FKBP5: variants seen among roughly 807,000 people sequenced by gnomAD.
The protein encoded by FKBP5 is FKBP prolyl isomerase 5, also known as peptidyl-prolyl cis-trans isomerase FKBP5.
Under a neutral mutation model 50.5 loss-of-function variants are expected in FKBP5, and 23 were observed. The ratio of observed to expected loss-of-function variants is 0.46; its 90% CI spans 0.33 to 0.65. The LOEUF is 0.65. FKBP5 is among the 30% of genes least tolerant of loss of function. The pLI, the probability that FKBP5 is intolerant of heterozygous loss-of-function variation, is 0.02. For synonymous variants in FKBP5, 176 were observed against 190.6 expected (o/e 0.92, Z 0.63); for missense variants, 411 against 553.1 (o/e 0.74, Z 2.58).
At chr6:35,580,350 AT>A in intron 8 of FKBP5, 129 bp from the exon 9 acceptor site, 1 of 755,282 alleles carries the variant, frequency 1.3e-6, no homozygotes, top group Non-Finnish European at 2.2e-6. Context: ...CCTTCTGGAG[AT>A]GGCTCTCCAG....
intron 1 of FKBP5, among the ~76,000 whole-genome samples, chr6:35,664,352 C>G (rs1765157695): frequency 6.6e-6 from 1 of 151,948 alleles, no homozygotes; most frequent in Admixed American, 6.6e-5. Flanking sequence ...AAAAGGAACA[C>G]AGCATATGAC....
intron 1 of FKBP5, among the ~76,000 whole-genome samples, chr6:35,657,557 G>A (rs1764990118): frequency 6.6e-6 from 1 of 152,132 alleles, no homozygotes; most frequent in Non-Finnish European, 1.5e-5. Context: ...TGATTAAGTT[G>A]AGCCCACCTG....
chr6:35,641,981 AGACTCTG>A (rs549458379), intron 2 of FKBP5, among the ~76,000 whole-genome samples: 29 of 150,398 alleles, frequency 1.9e-4, no homozygotes, highest in Non-Finnish European at 1.3e-4. Context: ...CAACAGAGGG[AGACTCTG>A]TCTCAAAATA....
chr6:35,614,271 T>C (rs1185681813), intron 5 of FKBP5, among the ~76,000 whole-genome samples: 2 of 152,040 alleles, frequency 1.3e-5, no homozygotes, highest in African/African-American at 2.4e-5. Context: ...CAGGATCTAA[T>C]GATATAACTA....
At chr6:35,610,642 T>C (rs1763464717) in intron 5 of FKBP5, among the ~76,000 whole-genome samples, 1 of 149,036 alleles carries the variant, frequency 6.7e-6, no homozygotes, top group African/African-American at 2.5e-5. Flanking sequence ...ACACTTGGAG[T>C]CTTTTGAGGC....
intron 5 of FKBP5, among the ~76,000 whole-genome samples, chr6:35,615,991 A>C (rs1173053812): frequency 6.6e-6 from 1 of 152,220 alleles, no homozygotes; most frequent in Non-Finnish European, 1.5e-5. Flanking sequence ...ATTGAGGGAT[A>C]TTCTACAAAA....
chr6:35,657,696 G>A lies in FKBP5; in HGVS notation c.-19-14853C>T, dbSNP rs79239660. On this transcript the variant is annotated intron_variant, in intron 1 of 10. Transcript: ENST00000357266. ...AGGATCCATTATTCTCTCTACCACCGATACCTAATCATCCAATCAAGATCC... is the reference window on the plus strand; with the variant it reads ...AGGATCCATTATTCTCTCTACCACCAATACCTAATCATCCAATCAAGATCC... Among the ~76,000 whole-genome samples, 1,237 of 151,716 alleles carry A rather than the reference G, an allele frequency of 8.2e-3. 20 individuals are homozygous for A. Among genetic ancestry groups the A allele is most frequent in the African/African-American group, 0.026 (1,075 of 41,366 alleles).
At chr6:35,615,023 C>T (rs1334347469) in intron 5 of FKBP5, among the ~76,000 whole-genome samples, 1 of 151,826 alleles carries the variant, frequency 6.6e-6, no homozygotes, top group Non-Finnish European at 1.5e-5. Flanking sequence ...ACTCCGGAGA[C>T]TGAGACAGGA....
In FKBP5 at chr6:35,606,452, T is replaced by C. The variant is rs184229370; in HGVS notation, c.509-9048A>G. 4.3e-3 allele frequency among the ~76,000 whole-genome samples: 653 copies of C among 151,718 alleles called. 4 individuals are homozygous for C. Among genetic ancestry groups the C allele is most frequent in the African/African-American group, 0.015 (603 of 41,368 alleles). Reference sequence around the variant, plus strand: ...GCAGGCAGATCATGAGGTCAGGAGATCGAGACCATCCTGTCTAACACGGTG... The same window carrying C: ...GCAGGCAGATCATGAGGTCAGGAGACCGAGACCATCCTGTCTAACACGGTG... On this transcript the variant is annotated intron_variant, in intron 5 of 10. Coordinates refer to ENST00000357266, the MANE Select transcript of FKBP5 (RefSeq NM_004117.4).
chr6:35,721,979 T>C (rs1324670079), intron 1 of FKBP5, among the ~76,000 whole-genome samples: 4 of 152,216 alleles, frequency 2.6e-5, no homozygotes, highest in Non-Finnish European at 2.9e-5. Context: ...TGCTGTTCCC[T>C]GTGCCTGAAA....
intron 1 of FKBP5, among the ~76,000 whole-genome samples, chr6:35,673,869 T>C (rs769512672): frequency 2.6e-5 from 4 of 152,228 alleles, no homozygotes; most frequent in Non-Finnish European, 5.9e-5. Context: ...AGAATCACAC[T>C]GAGATGAGAG....
intron 5 of FKBP5, 103 bp downstream of exon 5, chr6:35,618,993 G>T: frequency 1.3e-6 from 1 of 776,970 alleles, no homozygotes; most frequent in Non-Finnish European, 2.2e-6. Flanking sequence ...ACTGCGCACA[G>T]CCGATATATT....
intron 1 of FKBP5, among the ~76,000 whole-genome samples, chr6:35,646,666 CTAGATT>C (rs1396696146): frequency 6.6e-6 from 1 of 152,142 alleles, no homozygotes; most frequent in Non-Finnish European, 1.5e-5. Flanking sequence ...TTCCCTCACC[CTAGATT>C]TATTCTGGAT....
intron 9 of FKBP5, 74 bp from the exon 10 acceptor site, chr6:35,577,307 T>G: frequency 5.1e-6 from 7 of 1,365,650 alleles, no homozygotes; most frequent in African/African-American, 1.5e-5. Flanking sequence ...CAAAGTTCTC[T>G]TGCCAAAGGA....
intron 1 of FKBP5, chr6:35,651,967 G>A (rs1561877985): frequency 2.0e-6 from 1 of 505,916 alleles, no homozygotes; most frequent in South Asian, 3.5e-5. Flanking sequence ...GACCCCAAAC[G>A]GAGGAACCGG....
intron 2 of FKBP5, among the ~76,000 whole-genome samples, chr6:35,639,996 A>C (rs908968688): frequency 1.3e-5 from 2 of 152,280 alleles, no homozygotes; most frequent in Non-Finnish European, 1.5e-5. Context: ...GATTCAGTTT[A>C]TTCACTTATA....
intron 1 of FKBP5, among the ~76,000 whole-genome samples, chr6:35,649,078 T>C (rs1764711428): frequency 6.6e-6 from 1 of 151,948 alleles, no homozygotes; most frequent in South Asian, 2.1e-4. Context: ...GGTGAAACCC[T>C]GTCTCTACTA....
intron 1 of FKBP5, among the ~76,000 whole-genome samples, chr6:35,679,283 A>G (rs1281439409): frequency 6.6e-6 from 1 of 152,224 alleles, no homozygotes; most frequent in East Asian, 1.9e-4. Flanking sequence ...TTTAAATCCT[A>G]TCTTCAGTTA....
At chr6:35,616,181 G>C (rs1763650528) in intron 5 of FKBP5, among the ~76,000 whole-genome samples, 1 of 151,964 alleles carries the variant, frequency 6.6e-6, no homozygotes, top group Admixed American at 6.6e-5. Context: ...CGGGCATGGT[G>C]GCGTGCGCCT....
Sources: gnomAD v4.1 joint callset for allele counts (sites outside exome capture counted in the v4.1 genomes callset) on GRCh38, gnomAD v4.1.1 for gene constraint, MANE v1.5 for transcripts, NCBI Gene and HGNC (gene_info 2026-07-23, HGNC 2026-07-21) for gene names.